The following KAT6B variants were observed in gnomAD, a reference collection of about 807,000 sequenced individuals.
The protein encoded by KAT6B is lysine acetyltransferase 6B, also known as histone acetyltransferase KAT6B.
KAT6B carries 10 observed loss-of-function variants against 187.5 expected under a neutral mutation model. The observed-to-expected ratio is 0.05, with a 90% CI of 0.03 to 0.09. The LOEUF is 0.09. KAT6B is among the 10% of genes least tolerant of loss of function. KAT6B has a pLI of 1.00. For synonymous variants in KAT6B, 861 were observed against 926.8 expected, an observed-to-expected ratio of 0.93 and a Z score of 1.29; for missense variants, 1,952 against 2,558.9, an observed-to-expected ratio of 0.76 and a Z score of 5.12.
intron 1 of KAT6B, among the ~76,000 whole-genome samples, chr10:74,830,877 T>C (rs1199308917): frequency 7.0e-6 from 1 of 142,606 alleles, no homozygotes; most frequent in Non-Finnish European, 1.5e-5. Context: ...AACCTCTGCT[T>C]CCTGGGTTCA....
chr10:75,025,921 A>G (rs1845795986), intron 17 of KAT6B: 1 of 152,558 alleles, frequency 6.6e-6, no homozygotes, highest in Non-Finnish European at 1.5e-5. Context: ...GCACTTTTGG[A>G]GACTGAGGCA....
chr10:75,016,345 A>G (rs1353969510), intron 13 of KAT6B, among the ~76,000 whole-genome samples: 1 of 152,238 alleles, frequency 6.6e-6, no homozygotes, highest in African/African-American at 2.4e-5. Flanking sequence ...AGAAATGCTT[A>G]CTTTTTATAG....
intron 3 of KAT6B, among the ~76,000 whole-genome samples, chr10:74,881,856 A>G (rs1053827527): frequency 6.6e-6 from 1 of 152,072 alleles, no homozygotes; most frequent in African/African-American, 2.4e-5. Context: ...GGGTCTCGCT[A>G]TGTTGCCTAG....
At chr10:75,016,127 A>G (rs545756455) in intron 13 of KAT6B, among the ~76,000 whole-genome samples, 1 of 152,358 alleles carries the variant, frequency 6.6e-6, no homozygotes, top group African/African-American at 2.4e-5. Flanking sequence ...CTGCAAAAAC[A>G]TATCTTGACC....
chr10:74,956,441 A>G (rs995923640), intron 3 of KAT6B, among the ~76,000 whole-genome samples: 4 of 152,206 alleles, frequency 2.6e-5, no homozygotes, highest in African/African-American at 9.7e-5. Context: ...TACCTTTTTA[A>G]TAGTTTTAAA....
chr10:74,981,333 T>TCCTA, intron 10 of KAT6B, among the ~76,000 whole-genome samples: 1 of 150,102 alleles, frequency 6.7e-6, no homozygotes, highest in African/African-American at 2.5e-5. Flanking sequence ...CTTCCTTCCT[T>TCCTA]CCTTCCTTTC....
chr10:74,937,940 A>G (rs1324955402), intron 3 of KAT6B, among the ~76,000 whole-genome samples: 5 of 152,170 alleles, frequency 3.3e-5, no homozygotes, highest in Non-Finnish European at 7.3e-5. Flanking sequence ...TCTTTGGTGA[A>G]TCCTCATATC....
chr10:74,838,661 A>G (rs1841493859), intron 1 of KAT6B, 22 bp from the exon 2 acceptor site: 1 of 152,180 alleles, frequency 6.6e-6, no homozygotes, highest in Non-Finnish European at 1.5e-5. Context: ...CCAAATGAAC[A>G]TTTCCTTTTT....
At chr10:74,851,247 T>G (rs1842458459) in intron 3 of KAT6B, among the ~76,000 whole-genome samples, 1 of 149,976 alleles carries the variant, frequency 6.7e-6, no homozygotes, top group Non-Finnish European at 1.5e-5. Flanking sequence ...AGTTGGGGAT[T>G]ACAGGCATGT....
intron 3 of KAT6B, among the ~76,000 whole-genome samples, chr10:74,924,844 A>C (rs1848376401): frequency 6.6e-6 from 1 of 151,832 alleles, no homozygotes; most frequent in African/African-American, 2.4e-5. Context: ...AATGCTTCCT[A>C]CTGCTCGGTG....
At chr10:74,849,693 T>TGG (rs2132149534) in intron 3 of KAT6B, among the ~76,000 whole-genome samples, 1 of 152,224 alleles carries the variant, frequency 6.6e-6, no homozygotes, top group East Asian at 1.9e-4. Flanking sequence ...TAACTAACGT[T>TGG]TTGTAAGTGT....
intron 13 of KAT6B, among the ~76,000 whole-genome samples, chr10:75,007,778 C>G (rs1231194326): frequency 6.6e-6 from 1 of 152,064 alleles, no homozygotes; most frequent in Non-Finnish European, 1.5e-5. Context: ...AGGTGACATC[C>G]TATGGTATCT....
chr10:75,017,456 A>G (rs1374816709), intron 13 of KAT6B, among the ~76,000 whole-genome samples: 3 of 152,176 alleles, frequency 2.0e-5, no homozygotes, highest in African/African-American at 7.2e-5. Flanking sequence ...TCTACTAAAA[A>G]TGCAAATCTT....
At chr10:74,996,646 G>A (rs1428520694) in intron 13 of KAT6B, among the ~76,000 whole-genome samples, 1 of 151,980 alleles carries the variant, frequency 6.6e-6, no homozygotes, top group Non-Finnish European at 1.5e-5. Flanking sequence ...GCACACACCT[G>A]TAGTCCCAGC....
chr10:74,863,450 A>G (rs1451529798), intron 3 of KAT6B, among the ~76,000 whole-genome samples: 2 of 152,210 alleles, frequency 1.3e-5, no homozygotes, highest in Non-Finnish European at 2.9e-5. Context: ...GTGGATAATT[A>G]TTTCCCATAG....
chr10:74,926,327 G>A (rs551574338), intron 3 of KAT6B, among the ~76,000 whole-genome samples: 2 of 152,244 alleles, frequency 1.3e-5, no homozygotes, highest in South Asian at 2.1e-4. Flanking sequence ...GGTGGCACAC[G>A]CCTGTAATCC....
intron 13 of KAT6B, among the ~76,000 whole-genome samples, chr10:75,016,575 A>T (rs1374241004): frequency 4.6e-5 from 7 of 152,198 alleles, no homozygotes; most frequent in African/African-American, 1.7e-4. Context: ...GCTCCCACTC[A>T]CAGAGTAAGT....
intron 13 of KAT6B, among the ~76,000 whole-genome samples, chr10:75,002,640 G>A (rs1041552828): frequency 2.0e-5 from 3 of 151,800 alleles, no homozygotes; most frequent in Admixed American, 6.6e-5. Context: ...AGCAGTTACT[G>A]TACTGGATAC....
chr10:75,014,623 A>T (rs996253996), intron 13 of KAT6B, among the ~76,000 whole-genome samples: 4 of 152,206 alleles, frequency 2.6e-5, no homozygotes, highest in Non-Finnish European at 5.9e-5. Context: ...TACCGATTTA[A>T]AGTATAAACC....
Sources: allele counts gnomAD v4.1 joint callset (sites outside exome capture counted in the v4.1 genomes callset), GRCh38; gene constraint gnomAD v4.1.1; transcripts MANE v1.5; gene names NCBI Gene and HGNC (gene_info 2026-07-23, HGNC 2026-07-21).